EIF2B3: variants seen among roughly 807,000 people sequenced by gnomAD.
The protein encoded by EIF2B3 is translation initiation factor eIF2B subunit gamma.
EIF2B3 carries 20 observed loss-of-function variants against 54.1 expected under a neutral mutation model. That is an observed-to-expected ratio of 0.37 (90% CI 0.26 to 0.54). The LOEUF is 0.54. Ranked by LOEUF, EIF2B3 falls within the 20% of genes least tolerant of loss-of-function variation. EIF2B3 has a pLI of 0.86. For missense variants in EIF2B3, 448 were observed against 547.8 expected, an observed-to-expected ratio of 0.82 and a Z score of 1.82; for synonymous variants, 153 against 188.1, an observed-to-expected ratio of 0.81 and a Z score of 1.52.
At chr1:44,979,216 T>G (rs1644487504) in intron 2 of EIF2B3, among the ~76,000 whole-genome samples, 1 of 151,060 alleles carries the variant, frequency 6.6e-6, no homozygotes, top group African/African-American at 2.4e-5. Context: ...CCCACTGCAC[T>G]CCAGCCTGGG....
intron 10 of EIF2B3, among the ~76,000 whole-genome samples, chr1:44,859,170 G>A (rs1654534070): frequency 6.6e-6 from 1 of 152,132 alleles, no homozygotes; most frequent in African/African-American, 2.4e-5. Context: ...GCATGGTGGT[G>A]CATGCCTGTA....
intron 3 of EIF2B3, among the ~76,000 whole-genome samples, chr1:44,942,415 ATATTTTTTT>A (rs1644043356): frequency 1.4e-4 from 1 of 6,970 alleles, no homozygotes; most frequent in Non-Finnish European, 2.1e-4. Flanking sequence ...ATATATATAT[ATATTTTTTT>A]TTTTTTTTTT....
chr1:44,851,069 CTT>C (rs1553167139), intron 11 of EIF2B3, 66 bp from the exon 12 acceptor site: 851 of 1,252,832 alleles, frequency 6.8e-4, no homozygotes, highest in Admixed American at 1.7e-3. Flanking sequence ...AACCCAACTG[CTT>C]TTTTTTTTTG....
intron 10 of EIF2B3, among the ~76,000 whole-genome samples, chr1:44,858,936 C>T (rs947674405): frequency 2.6e-5 from 4 of 152,148 alleles, no homozygotes; most frequent in African/African-American, 9.7e-5. Context: ...ACATAAAAGA[C>T]TACTCCAGAC....
At chr1:44,932,158 T>A (rs1264893469) in intron 4 of EIF2B3, among the ~76,000 whole-genome samples, 1 of 151,924 alleles carries the variant, frequency 6.6e-6, no homozygotes, top group Non-Finnish European at 1.5e-5. Flanking sequence ...GTAATAAACA[T>A]CATTTTAACT....
intron 5 of EIF2B3, among the ~76,000 whole-genome samples, chr1:44,918,850 T>C (rs1340411584): frequency 6.6e-6 from 1 of 152,240 alleles, no homozygotes; most frequent in Non-Finnish European, 1.5e-5. Flanking sequence ...ATAATTGTTA[T>C]ATTATTTTGG....
intron 1 of EIF2B3, among the ~76,000 whole-genome samples, chr1:44,986,141 T>C (rs1288350994): frequency 4.7e-5 from 5 of 106,844 alleles, no homozygotes; most frequent in African/African-American, 1.3e-4. Flanking sequence ...TTCTTTTCTT[T>C]TTTTTTTTTT....
intron 6 of EIF2B3, among the ~76,000 whole-genome samples, chr1:44,892,638 C>A (rs1200369004): frequency 6.6e-6 from 1 of 151,838 alleles, no homozygotes; most frequent in Admixed American, 6.6e-5. Context: ...ATTCTAAATA[C>A]GTTTCTCTAT....
intron 1 of EIF2B3, among the ~76,000 whole-genome samples, chr1:44,984,745 T>C (rs1446625292): frequency 4.0e-5 from 6 of 151,762 alleles, no homozygotes; most frequent in Non-Finnish European, 8.8e-5. Flanking sequence ...CACAGAGTTG[T>C]TGTTAAGATT....
chr1:44,922,063 C>T (rs1355952634), intron 5 of EIF2B3, among the ~76,000 whole-genome samples: 5 of 150,848 alleles, frequency 3.3e-5, no homozygotes, highest in African/African-American at 9.7e-5. Flanking sequence ...CCCACAACCA[C>T]GCTCAGCTAA....
At chr1:44,980,828 TAAC>T (rs1422644413) in intron 2 of EIF2B3, among the ~76,000 whole-genome samples, 190 bp downstream of exon 2, 2 of 152,078 alleles carry the variant, frequency 1.3e-5, no homozygotes, top group Non-Finnish European at 2.9e-5. Flanking sequence ...ATCAGCTCCA[TAAC>T]AACAACACTT....
At chr1:44,902,421 G>A (rs1477489473) in intron 5 of EIF2B3, among the ~76,000 whole-genome samples, 2 of 152,020 alleles carry the variant, frequency 1.3e-5, no homozygotes, top group African/African-American at 4.8e-5. Flanking sequence ...CTGGGCCCAG[G>A]AAGTCGAGGC....
At chr1:44,880,051 A>G (rs185738610) in intron 7 of EIF2B3, 43 bp from the exon 8 acceptor site, 65 of 1,591,644 alleles carry the variant, frequency 4.1e-5, no homozygotes, top group Non-Finnish European at 5.6e-5. Flanking sequence ...TGAGAGAGAG[A>G]TAACAGAACA....
chr1:44,948,036 G>C (rs1323789628), intron 3 of EIF2B3, among the ~76,000 whole-genome samples: 2 of 152,078 alleles, frequency 1.3e-5, no homozygotes, highest in Non-Finnish European at 2.9e-5. Context: ...AACACCAAAG[G>C]CTAACTGCAA....
chr1:44,929,141 TAC>T lies in EIF2B3; in HGVS notation c.455-2404_455-2403del, dbSNP rs1643876786. On this transcript the variant is annotated intron_variant, in intron 4 of 11. Transcript: ENST00000360403. ...TGTTAAGTTTAAAAATTAAACAAAA[TAC>T]ACCCTCTAATTTAATCCTCACAACA... Among the ~76,000 whole-genome samples the T allele has an allele frequency of 2.0e-5, 3 of 152,304 alleles. No homozygotes were observed. The South Asian group carries it at 6.2e-4, about 32-fold the overall frequency.
chr1:44,883,751 T>A (rs188886848), intron 6 of EIF2B3, among the ~76,000 whole-genome samples: 76 of 152,350 alleles, frequency 5.0e-4, no homozygotes, highest in South Asian at 2.9e-3. Context: ...TCTCCCATCT[T>A]GATAAATCGT....
At chr1:44,902,781 A>G (rs1643334693) in intron 5 of EIF2B3, among the ~76,000 whole-genome samples, 1 of 139,336 alleles carries the variant, frequency 7.2e-6, no homozygotes, top group African/African-American at 2.6e-5. Flanking sequence ...CGAGCCATGA[A>G]CGTGCTACTG....
At chr1:44,856,675 G>A (rs1654443476) in intron 11 of EIF2B3, among the ~76,000 whole-genome samples, 1 of 152,106 alleles carries the variant, frequency 6.6e-6, no homozygotes, top group Non-Finnish European at 1.5e-5. Flanking sequence ...TTAAAAAAGG[G>A]AAGGGGGAAG....
intron 5 of EIF2B3, chr1:44,925,137 TA>T (rs765930403): frequency 6.6e-6 from 1 of 152,146 alleles, no homozygotes; most frequent in Non-Finnish European, 1.5e-5. Context: ...CTCAAAAAAT[TA>T]AACATCATAG....
Sources: allele counts gnomAD v4.1 joint callset (sites outside exome capture counted in the v4.1 genomes callset), GRCh38; gene constraint gnomAD v4.1.1; transcripts MANE v1.5; gene names NCBI Gene and HGNC (gene_info 2026-07-23, HGNC 2026-07-21).